The following ACOXL variants were observed in gnomAD, a reference collection of about 807,000 sequenced individuals.
ACOXL encodes the protein acyl-coenzyme A oxidase-like protein.
A neutral mutation model predicts 71.9 loss-of-function variants in ACOXL; 70 were observed. The ratio of observed to expected loss-of-function variants is 0.97; its 90% confidence interval spans 0.80 to 1.19. The LOEUF (loss-of-function observed/expected upper bound fraction) is 1.19. Among genes scored for constraint, ACOXL ranks in the 50% most tolerant of loss-of-function variants. ACOXL has a pLI of 0.00. For missense variants in ACOXL, 703 were observed against 736.3 expected (o/e 0.95, Z 0.52); for synonymous variants, 253 against 281.6 (o/e 0.90, Z 1.02).
At chr2:111,040,714 G>T (rs369594959) in intron 15 of ACOXL, among the ~76,000 whole-genome samples, 3 of 152,204 alleles carry the variant, frequency 2.0e-5, no homozygotes, top group East Asian at 1.9e-4. Context: ...TGAAGGGCAG[G>T]TAGAATTTAG....
chr2:110,980,189 C>T (rs1041124099), intron 12 of ACOXL, among the ~76,000 whole-genome samples: 1 of 152,220 alleles, frequency 6.6e-6, no homozygotes, highest in African/African-American at 2.4e-5. Flanking sequence ...ATCACCTGTA[C>T]CTTGGAGGAC....
At chr2:110,756,478 C>T (rs1050723589) in intron 1 of ACOXL, among the ~76,000 whole-genome samples, 8 of 152,084 alleles carry the variant, frequency 5.3e-5, no homozygotes, top group East Asian at 1.9e-4. Flanking sequence ...TTCCTTTGGG[C>T]GATGTGTGTA....
At chr2:111,084,690 A>G (rs1461262205) in intron 16 of ACOXL, among the ~76,000 whole-genome samples, 1 of 152,204 alleles carries the variant, frequency 6.6e-6, no homozygotes, top group African/African-American at 2.4e-5. Flanking sequence ...AGCTAACAAC[A>G]CAATGACAGG....
intron 10 of ACOXL, among the ~76,000 whole-genome samples, chr2:110,865,675 C>A (rs560215028): frequency 2.0e-5 from 3 of 152,292 alleles, no homozygotes; most frequent in African/African-American, 7.2e-5. Context: ...CCACTCTGCC[C>A]CTTGCAGAGG....
intron 10 of ACOXL, among the ~76,000 whole-genome samples, chr2:110,857,437 C>T (rs996485631): frequency 2.6e-5 from 4 of 152,042 alleles, no homozygotes; most frequent in East Asian, 1.9e-4. Context: ...TTAGTGGCTC[C>T]ATAGAGAAGA....
intron 11 of ACOXL, among the ~76,000 whole-genome samples, chr2:110,913,636 C>G (rs1334230505): frequency 6.6e-6 from 1 of 152,086 alleles, no homozygotes; most frequent in Non-Finnish European, 1.5e-5. Context: ...TTGCATTGCT[C>G]TGAAGAAATA....
chr2:111,062,089 A>G (rs1161479918), intron 16 of ACOXL, among the ~76,000 whole-genome samples: 2 of 152,092 alleles, frequency 1.3e-5, no homozygotes, highest in Non-Finnish European at 2.9e-5. Context: ...TATGCTGTGT[A>G]TAGGGTGATA....
intron 17 of ACOXL, among the ~76,000 whole-genome samples, chr2:111,096,586 A>G (rs991437652): frequency 6.6e-6 from 1 of 152,060 alleles, no homozygotes; most frequent in African/African-American, 2.4e-5. Flanking sequence ...TATATTCAAT[A>G]TTGTATTTTA....
intron 16 of ACOXL, among the ~76,000 whole-genome samples, chr2:111,090,798 G>C (rs2068479976): frequency 6.6e-6 from 1 of 152,220 alleles, no homozygotes; most frequent in South Asian, 2.1e-4. Flanking sequence ...GGGTGTTAGA[G>C]ATGTGACTTG....
At chr2:111,104,615 T>G (rs1325791767) in intron 17 of ACOXL, among the ~76,000 whole-genome samples, 4 of 152,260 alleles carry the variant, frequency 2.6e-5, no homozygotes, top group Admixed American at 2.6e-4. Flanking sequence ...TTCATATGCT[T>G]ATTTGCCATC....
At position 111,093,448 on chromosome 2, in the gene ACOXL, C is replaced by T. The variant is rs762305232; in HGVS notation, c.1542+482C>T. 6.2e-6 allele frequency: 10 copies of T among 1,613,574 alleles called. No individual in the cohort carries two copies. The East Asian group carries it at 1.3e-4, about 22-fold the overall frequency. On this transcript the variant is annotated intron_variant, in intron 17 of 17. Transcript: ENST00000439055. The stretch of plus-strand genomic sequence containing the variant: ...GAAAAAGAATGTGAAACAGCATACT[C>T]ATCAGTAAAACACATTTCTGATTAC...
intron 14 of ACOXL, among the ~76,000 whole-genome samples, chr2:111,011,345 AAGG>A (rs1477525508): frequency 1.3e-5 from 2 of 152,198 alleles, no homozygotes; most frequent in Non-Finnish European, 1.5e-5. Flanking sequence ...ACAAAAATCA[AAGG>A]AGAAGGACTA....
chr2:110,930,388 T>C (rs565973127), intron 11 of ACOXL, among the ~76,000 whole-genome samples: 21 of 152,354 alleles, frequency 1.4e-4, no homozygotes, highest in African/African-American at 5.1e-4. Context: ...TGTACCACCA[T>C]TGTATCTAGG....
chr2:111,088,959 G>GCTTATCCTTCCTTT (rs1220612476), intron 16 of ACOXL, among the ~76,000 whole-genome samples: 6 of 152,092 alleles, frequency 3.9e-5, no homozygotes, highest in Non-Finnish European at 5.9e-5. Context: ...ATTAAGTAAG[G>GCTTATCCTTCCTTT]CTTATCCTTC....
intron 1 of ACOXL, among the ~76,000 whole-genome samples, chr2:110,744,141 G>C (rs1050470613): frequency 4.6e-5 from 7 of 152,210 alleles, no homozygotes; most frequent in Non-Finnish European, 1.0e-4. Context: ...AAGAGAGAGA[G>C]AAGAGAGAGA....
At chr2:111,068,457 C>A (rs1326499801) in intron 16 of ACOXL, among the ~76,000 whole-genome samples, 2 of 152,066 alleles carry the variant, frequency 1.3e-5, no homozygotes, top group Non-Finnish European at 2.9e-5. Context: ...ATTTCAGCAC[C>A]CAAAGGAGCC....
chr2:110,936,073 G>A (rs1236810851), intron 12 of ACOXL, among the ~76,000 whole-genome samples: 1 of 152,042 alleles, frequency 6.6e-6, no homozygotes, highest in Non-Finnish European at 1.5e-5. Context: ...TTGCTGTGTG[G>A]CCCGGTTCCT....
chr2:110,907,128 G>A (rs1296389836), intron 10 of ACOXL, among the ~76,000 whole-genome samples: 1 of 152,178 alleles, frequency 6.6e-6, no homozygotes, highest in African/African-American at 2.4e-5. Context: ...CAAAAGTCAA[G>A]GCACTGACAG....
At chr2:110,943,307 GAA>G (rs1048571643) in intron 12 of ACOXL, among the ~76,000 whole-genome samples, 2 of 150,462 alleles carry the variant, frequency 1.3e-5, no homozygotes, top group African/African-American at 4.9e-5. Flanking sequence ...AAAGAAGAGA[GAA>G]AGAGAAAAAG....
Sources: allele counts gnomAD v4.1 joint callset (sites outside exome capture counted in the v4.1 genomes callset), GRCh38; gene constraint gnomAD v4.1.1; transcripts MANE v1.5; gene names NCBI Gene and HGNC (gene_info 2026-07-23, HGNC 2026-07-21).